FSTL4: variants seen among roughly 807,000 people sequenced by gnomAD.
FSTL4 encodes follistatin like 4, also known as follistatin-related protein 4.
FSTL4 carries 28 observed loss-of-function variants against 78.2 expected under a neutral mutation model. The ratio of observed to expected loss-of-function variants is 0.36; its 90% CI spans 0.27 to 0.49. The LOEUF (loss-of-function observed/expected upper bound fraction) is 0.49, where lower values mean the gene tolerates loss of function less well. FSTL4 is among the 20% of genes least tolerant of loss of function. The probability of loss-of-function intolerance (pLI) is 0.98; values close to 1 mark genes in which losing one functional copy is unlikely to be tolerated. For missense variants in FSTL4, 922 were observed against 1,084.9 expected, an observed-to-expected ratio of 0.85 and a Z score of 2.11; for synonymous variants, 422 against 440.5, an observed-to-expected ratio of 0.96 and a Z score of 0.53.
At chr5:133,702,596 C>T in the FSTL4 span, among the ~76,000 whole-genome samples, 1 of 152,230 alleles carries the variant, frequency 6.6e-6, no homozygotes, top group East Asian at 1.9e-4. Context: ...CCACTTACCA[C>T]TTGCCTGTTC....
At chr5:133,409,537 C>T (rs944982437) in intron 3 of FSTL4, among the ~76,000 whole-genome samples, 1 of 152,240 alleles carries the variant, frequency 6.6e-6, no homozygotes, top group African/African-American at 2.4e-5. Context: ...GGCCTGAGGA[C>T]CCCCGCTCCT....
chr5:133,348,462 C>T (rs953102083), intron 4 of FSTL4, among the ~76,000 whole-genome samples: 3 of 152,334 alleles, frequency 2.0e-5, no homozygotes, highest in African/African-American at 4.8e-5. Context: ...GGGGAGTCTA[C>T]ATCCCATTCT....
At chr5:133,817,493 G>A in the FSTL4 span, among the ~76,000 whole-genome samples, 8 of 152,224 alleles carry the variant, frequency 5.3e-5, no homozygotes, top group Non-Finnish European at 1.2e-4. Context: ...CTCCCCAAGG[G>A]CTGGGAGTCA....
chr5:133,236,733 G>A lies in FSTL4; in HGVS notation c.895-3196C>T, dbSNP rs1751676025. 1.3e-5 allele frequency among the ~76,000 whole-genome samples: 2 copies of A among 152,174 alleles called. No homozygotes were observed. Among genetic ancestry groups the A allele is most frequent in the Admixed American group, 1.3e-4 (2 of 15,280 alleles). On this transcript the variant is annotated intron_variant, in intron 7 of 15. Transcript: ENST00000265342. The surrounding 1 kb of genome is among the most constrained non-coding windows in gnomAD (Gnocchi z 5.0). ...GCTGTTGCTCTAGTGTGCCAGGCAT[G>A]CTCCCCTCCTCCCAGGCTGTCTGTC...
intron 4 of FSTL4, among the ~76,000 whole-genome samples, chr5:133,332,499 G>T (rs1462602857): frequency 6.6e-6 from 1 of 152,212 alleles, no homozygotes; most frequent in Non-Finnish European, 1.5e-5. Flanking sequence ...GGCCGGAGAG[G>T]CGGAGCCAGT....
At chr5:133,591,868 T>C (rs183484843) in intron 2 of FSTL4, among the ~76,000 whole-genome samples, 2 of 152,220 alleles carry the variant, frequency 1.3e-5, no homozygotes, top group East Asian at 1.9e-4. Context: ...CATCCTGCCA[T>C]TGGCTTTGGG....
At chr5:133,261,428 A>G (rs1347272544) in intron 6 of FSTL4, among the ~76,000 whole-genome samples, 1 of 152,186 alleles carries the variant, frequency 6.6e-6, no homozygotes, top group African/African-American at 2.4e-5. Flanking sequence ...CTCTTAGCCG[A>G]GAAGACCCCA....
At chr5:133,306,142 A>T (rs562598001) in intron 6 of FSTL4, among the ~76,000 whole-genome samples, 1 of 152,350 alleles carries the variant, frequency 6.6e-6, no homozygotes, top group Non-Finnish European at 1.5e-5. Flanking sequence ...AATTATTTAG[A>T]AGGTATGCAG....
chr5:133,792,024 A>G, the FSTL4 span, among the ~76,000 whole-genome samples: 1 of 152,214 alleles, frequency 6.6e-6, no homozygotes, highest in African/African-American at 2.4e-5. Context: ...GCAAAAGCAA[A>G]CCTTAGTTTT....
chr5:133,311,647 G>A (rs185511119), intron 6 of FSTL4, among the ~76,000 whole-genome samples: 1 of 152,310 alleles, frequency 6.6e-6, no homozygotes, highest in East Asian at 1.9e-4. Flanking sequence ...ATACTTTGCT[G>A]GAAAACGGGA....
the FSTL4 span, among the ~76,000 whole-genome samples, chr5:133,724,709 G>C: frequency 1.3e-5 from 2 of 152,094 alleles, no homozygotes; most frequent in African/African-American, 4.8e-5. Flanking sequence ...AAAGAACATA[G>C]TTTAATTTCA....
chr5:133,689,979 CG>C, the FSTL4 span, among the ~76,000 whole-genome samples: 4 of 152,056 alleles, frequency 2.6e-5, no homozygotes, highest in Non-Finnish European at 5.9e-5. Context: ...GAGAATTGCT[CG>C]AACCCCGGAG....
At chr5:133,448,467 C>T (rs1474233423) in intron 3 of FSTL4, among the ~76,000 whole-genome samples, 1 of 152,202 alleles carries the variant, frequency 6.6e-6, no homozygotes, top group Admixed American at 6.5e-5. Context: ...CTTTTCAATG[C>T]GTTCCCTCAG....
chr5:133,652,422 C>T, the FSTL4 span, among the ~76,000 whole-genome samples: 33,130 of 152,074 alleles, frequency 0.22, 3,840 homozygotes, highest in Admixed American at 0.29. Context: ...GCTTTCATTG[C>T]ATCTCACAAA....
chr5:133,730,712 G>C, the FSTL4 span, among the ~76,000 whole-genome samples: 3,401 of 152,332 alleles, frequency 0.022, 61 homozygotes, highest in Non-Finnish European at 0.036. Context: ...GGAGAGGCAT[G>C]CAAAGTTAAC....
intron 4 of FSTL4, among the ~76,000 whole-genome samples, chr5:133,352,353 TAC>T (rs1462712039): frequency 1.3e-5 from 2 of 148,338 alleles, no homozygotes; most frequent in East Asian, 2.0e-4. Context: ...CACATATATA[TAC>T]ACACACATAT....
intron 4 of FSTL4, among the ~76,000 whole-genome samples, chr5:133,319,231 G>A (rs540843536): frequency 6.6e-6 from 1 of 152,358 alleles, no homozygotes; most frequent in Admixed American, 6.5e-5. Flanking sequence ...TGCAGGTCTA[G>A]AAGTCAATCA....
chr5:133,425,777 T>G (rs1756800090), intron 3 of FSTL4, among the ~76,000 whole-genome samples: 1 of 152,230 alleles, frequency 6.6e-6, no homozygotes, highest in Admixed American at 6.5e-5. Context: ...AAGGGAGATA[T>G]GGATCCTGCC....
chr5:133,753,994 A>C, the FSTL4 span, among the ~76,000 whole-genome samples: 2 of 152,236 alleles, frequency 1.3e-5, no homozygotes, highest in South Asian at 4.1e-4. Flanking sequence ...TGTGAGTGTT[A>C]GCATAATGAC....
Sources: gnomAD v4.1 joint callset for allele counts (sites outside exome capture counted in the v4.1 genomes callset) on GRCh38, gnomAD v4.1.1 for gene constraint, Gnocchi (gnomAD v3.1) non-coding constraint, MANE v1.5 for transcripts, NCBI Gene and HGNC (gene_info 2026-07-23, HGNC 2026-07-21) for gene names.